The following CSPP1 variants were observed in gnomAD, a reference collection of about 807,000 sequenced individuals.
CSPP1 encodes the protein centrosome and spindle pole associated protein 1.
In CSPP1, 126 loss-of-function variants were observed where a neutral mutation model predicts 164.4. The ratio of observed to expected loss-of-function variants is 0.77; its 90% CI spans 0.66 to 0.89. CSPP1 has a LOEUF of 0.89. Among genes scored for constraint, CSPP1 ranks in the 40% least tolerant of loss-of-function variants. The pLI, the probability that CSPP1 is intolerant of heterozygous loss-of-function variation, is 0.00. For missense variants in CSPP1, 1,395 were observed against 1,449.8 expected (o/e 0.96, Z 0.61); for synonymous variants, 472 against 476.7 (o/e 0.99, Z 0.13).
intron 1 of CSPP1, among the ~76,000 whole-genome samples, chr8:67,072,989 A>G (rs1807155664): frequency 6.6e-6 from 1 of 152,206 alleles, no homozygotes; most frequent in African/African-American, 2.4e-5. Flanking sequence ...AAGATGCTCA[A>G]CATCATAGTT....
At chr8:67,193,916 A>G (rs1018809814) in intron 30 of CSPP1, among the ~76,000 whole-genome samples, 5 of 152,254 alleles carry the variant, frequency 3.3e-5, no homozygotes, top group Non-Finnish European at 5.9e-5. Flanking sequence ...TCACTTTACT[A>G]AAGTAAAACA....
chr8:67,158,238 G>A (rs962103434), intron 19 of CSPP1, among the ~76,000 whole-genome samples: 2 of 152,290 alleles, frequency 1.3e-5, no homozygotes, highest in South Asian at 4.1e-4. Flanking sequence ...AGGTCACACG[G>A]TCTGTTTGGT....
chr8:67,172,491 C>T lies in CSPP1; in HGVS notation c.2904C>T (p.Ser968=), dbSNP rs1045612655. The T allele has an allele frequency of 1.2e-6, 2 of 1,613,156 alleles. No homozygotes were observed. Among genetic ancestry groups the T allele is most frequent in the Non-Finnish European group, 8.5e-7 (1 of 1,179,242 alleles). The change falls in exon 25 of 31, where the codon TCC becomes TCT. Residue 968 remains serine, a synonymous_variant. Transcript: ENST00000678616. ...TGCAAGCTCCTGTCAGAAGACAGTC[C>T]CCTAAGGGCTTAGACGCTGCCACTT... The part of the protein sequence containing the change: ...HRLQAPVRRQ[S]PKGLDAATFQ...
intron 18 of CSPP1, among the ~76,000 whole-genome samples, chr8:67,150,215 GA>G (rs1825446984): frequency 4.6e-5 from 7 of 151,914 alleles, no homozygotes; most frequent in Admixed American, 3.3e-4. Flanking sequence ...GCTAGTGGGG[GA>G]CATTTCTTAA....
intron 24 of CSPP1, among the ~76,000 whole-genome samples, chr8:67,169,894 C>G (rs1586695681): frequency 1.3e-5 from 2 of 152,272 alleles, no homozygotes; most frequent in East Asian, 3.9e-4. Flanking sequence ...ACTACAGGTG[C>G]AGGCTACCAC....
rs186862995 is a variant in CSPP1 at position 67,115,119 on chromosome 8, G to A, written c.1287+749G>A. 3.1e-4 allele frequency: 47 copies of A among 152,314 alleles called. 1 individual carries two copies. Among genetic ancestry groups the A allele is most frequent in the Admixed American group, 3.1e-3 (47 of 15,302 alleles). The allele number at this position is 152,314 out of a possible 1,614,324, so 9.4% of individuals were successfully genotyped here. The stretch of plus-strand genomic sequence containing the variant: ...TAGCTGAGTCTGCTCATTATGAAGA[G>A]ACTATGTAGTCTTGCAAATCTTAAT... On this transcript the variant is annotated intron_variant, in intron 12 of 30. Coordinates refer to ENST00000678616, the MANE Select transcript of CSPP1 (RefSeq NM_001382391.1).
At chr8:67,117,881 G>A (rs1393236147) in intron 13 of CSPP1, among the ~76,000 whole-genome samples, 5 of 151,968 alleles carry the variant, frequency 3.3e-5, no homozygotes, top group Non-Finnish European at 5.9e-5. Flanking sequence ...TAATTTGCTT[G>A]TACTATTATT....
intron 12 of CSPP1, among the ~76,000 whole-genome samples, chr8:67,115,417 C>T (rs2129550724): frequency 6.6e-6 from 1 of 152,288 alleles, no homozygotes; most frequent in East Asian, 1.9e-4. Flanking sequence ...CAGAAGCTCA[C>T]ACCTGTAATT....
chr8:67,138,318 C>G (rs1385453559), intron 17 of CSPP1, among the ~76,000 whole-genome samples: 1 of 152,150 alleles, frequency 6.6e-6, no homozygotes. Context: ...TCGCATATAA[C>G]CTACACACAT....
intron 4 of CSPP1, chr8:67,086,795 G>C: frequency 7.5e-7 from 1 of 1,327,224 alleles, no homozygotes; most frequent in Non-Finnish European, 1.0e-6. Context: ...AATACACTTT[G>C]TCAATGGTTT....
In CSPP1 at chr8:67,091,820, G is replaced by A. The variant is rs969003273; in HGVS notation, c.321G>A (p.Thr107=). The A allele has an allele frequency of 1.6e-5, 21 of 1,333,352 alleles. No individual in the cohort carries two copies. Among genetic ancestry groups the A allele is most frequent in the Non-Finnish European group, 2.1e-5 (21 of 1,002,156 alleles). 82.6% of individuals were successfully genotyped at this position (1,333,352 alleles called of 1,614,324 possible). Residue 107 remains threonine, a synonymous_variant, in exon 5 of 31, where the codon ACG becomes ACA. Coordinates refer to ENST00000678616, the MANE Select transcript of CSPP1 (RefSeq NM_001382391.1). ...ATATACAGAAAAATTTTCTATCTAC[G>A]AGTGAAACAGATCCATCTACTTTGG... The part of the protein sequence containing the change: ...RYLTQKNFLS[T]SETDPSTLGV...
In CSPP1 at chr8:67,095,302, C is replaced by A; in HGVS notation, c.493C>A (p.Gln165Lys). The change falls in exon 7 of 31, where the codon CAG becomes AAG. Residue 165 changes from glutamine to lysine, a missense_variant. Physicochemically the swap from Gln to Lys is moderately conservative, Grantham distance 53. Coordinates refer to ENST00000678616, the MANE Select transcript of CSPP1 (RefSeq NM_001382391.1). Reference sequence around the variant, plus strand: ...TTTTTTAATTGAACAGCCCAAGAGTCAGAGAAATAAAAAACCTATTGGTCA... The same window carrying A: ...TTTTTTAATTGAACAGCCCAAGAGTAAGAGAAATAAAAAACCTATTGGTCA... ...QVEKSTEPKS[Q>K]RNKKPIGQVK... 6.4e-7 allele frequency: 1 copy of A among 1,560,420 alleles called. No homozygotes were observed. The highest frequency in any genetic ancestry group is 1.2e-5 in the South Asian group (1 of 82,164).
intron 26 of CSPP1, among the ~76,000 whole-genome samples, chr8:67,176,502 C>T (rs1831674965): frequency 6.6e-6 from 1 of 152,158 alleles, no homozygotes; most frequent in South Asian, 2.1e-4. Context: ...AGCCCTGTGA[C>T]AGAATAAGCC....
chr8:67,079,962 A>C (rs899864143), intron 3 of CSPP1, among the ~76,000 whole-genome samples: 1 of 152,212 alleles, frequency 6.6e-6, no homozygotes. Flanking sequence ...TTTTCATGGA[A>C]TGCTTCTTCC....
chr8:67,150,843 A>G (rs1825573067), intron 18 of CSPP1, among the ~76,000 whole-genome samples: 1 of 152,222 alleles, frequency 6.6e-6, no homozygotes, highest in Non-Finnish European at 1.5e-5. Context: ...TTAAAAATAA[A>G]ATTTAATACA....
rs908255715 is a variant in CSPP1 at position 67,112,085 on chromosome 8, T to C, written c.1187+20T>C. On this transcript the variant is annotated intron_variant, in intron 10 of 30. Transcript: ENST00000678616. ...GAGACGGTAATGAAAGGTTTGCATTTAAAAGAGATATTTTGAGTTTAAAGT... is the reference window on the plus strand; with the variant it reads ...GAGACGGTAATGAAAGGTTTGCATTCAAAAGAGATATTTTGAGTTTAAAGT... The C allele has an allele frequency of 6.4e-7, 1 of 1,553,600 alleles. No individual in the cohort carries two copies. Among genetic ancestry groups the C allele is most frequent in the African/African-American group, 1.4e-5 (1 of 73,422 alleles).
intron 19 of CSPP1, among the ~76,000 whole-genome samples, chr8:67,154,702 T>G (rs1469261955): frequency 1.3e-5 from 2 of 151,978 alleles, no homozygotes; most frequent in Admixed American, 1.3e-4. Context: ...GATGTCACCA[T>G]CTTGGCCAGG....
At chr8:67,069,417 TTACTG>T (rs1563473961) in intron 1 of CSPP1, among the ~76,000 whole-genome samples, 1 of 152,180 alleles carries the variant, frequency 6.6e-6, no homozygotes, top group Non-Finnish European at 1.5e-5. Flanking sequence ...GTACTTTTGA[TTACTG>T]TAAGTTAAAA....
At chr8:67,152,478 C>G (rs1825899336) in intron 18 of CSPP1, among the ~76,000 whole-genome samples, 1 of 152,166 alleles carries the variant, frequency 6.6e-6, no homozygotes, top group African/African-American at 2.4e-5. Flanking sequence ...GGCTTATTAT[C>G]ATGCCAAGAT....
Sources: gnomAD v4.1 joint callset for allele counts (sites outside exome capture counted in the v4.1 genomes callset) on GRCh38, gnomAD v4.1.1 for gene constraint, MANE v1.5 for transcripts, NCBI Gene and HGNC (gene_info 2026-07-23, HGNC 2026-07-21) for gene names.